Variants in COL7A1 observed in about 807,000 individuals in gnomAD.
COL7A1 encodes the protein collagen type VII alpha 1 chain.
A neutral mutation model predicts 456.2 loss-of-function variants in COL7A1; 296 were observed. The ratio of observed to expected loss-of-function variants is 0.65; its 90% CI spans 0.59 to 0.71. COL7A1 has a LOEUF of 0.71. Ranked by LOEUF, COL7A1 falls within the 30% of genes least tolerant of loss-of-function variation. The probability of loss-of-function intolerance (pLI) is 0.00; values close to 1 mark genes in which losing one functional copy is unlikely to be tolerated. For synonymous variants in COL7A1, 1,464 were observed against 1,525.9 expected (o/e 0.96, Z 0.95); for missense variants, 3,441 against 4,017.2 (o/e 0.86, Z 3.88).
At position 48,569,780 on chromosome 3, in the gene COL7A1, G is replaced by A; in HGVS notation, c.7522-20C>T. ...ATCACCCTATTGGGCAAAAGAGTGT[G>A]AGTCCCGCCCAAACTGGGGAGGCCC... On this transcript the variant is annotated intron_variant, in intron 100 of 118. Transcript: ENST00000681320. The surrounding 1 kb of genome is among the most constrained non-coding windows in gnomAD (Gnocchi z 4.9). 6.2e-7 allele frequency: 1 copy of A among 1,614,144 alleles called. No homozygotes were observed. The highest frequency in any genetic ancestry group is 1.1e-5 in the South Asian group (1 of 91,082).
Position 48,593,266 on chromosome 3 carries a change from G to A in COL7A1, c.521-3C>T, listed in dbSNP as rs1159722746. On this transcript the variant is annotated splice_polypyrimidine_tract_variant and splice_region_variant and intron_variant, in intron 5 of 118. Coordinates refer to ENST00000681320, the MANE Select transcript of COL7A1 (RefSeq NM_000094.4). This position sits in a 1 kb window ranked among gnomAD's most constrained non-coding sequence, Gnocchi z 4.4. ...CTCAGGGTCAGCATTCTTGATCCCT[G>A]AAGTGACGACCCATCAGGACTCAGT... 1.2e-6 allele frequency: 2 copies of A among 1,614,122 alleles called. No homozygotes were observed. The highest frequency in any genetic ancestry group is 1.7e-6 in the Non-Finnish European group (2 of 1,180,010).
Position 48,581,092 on chromosome 3 carries a change from A to G in COL7A1, c.4935+30T>C. ...TGGGATCCTAGTTCAAGGGTAAAGG[A>G]TCAGAAACCACAGTGGGAAGGAGTC... On this transcript the variant is annotated intron_variant, in intron 53 of 118. Coordinates refer to ENST00000681320, the MANE Select transcript of COL7A1 (RefSeq NM_000094.4). The surrounding 1 kb of genome is among the most constrained non-coding windows in gnomAD (Gnocchi z 5.8). 6.2e-7 allele frequency: 1 copy of G among 1,613,704 alleles called. No homozygotes were observed. The highest frequency in any genetic ancestry group is 8.5e-7 in the Non-Finnish European group (1 of 1,179,842).
chr3:48,567,035 T>C lies in COL7A1; in HGVS notation c.8110-12A>G, dbSNP rs779889882. 67 of 1,613,388 alleles carry C rather than the reference T, an allele frequency of 4.2e-5. No individual in the cohort carries two copies. In the South Asian group the frequency reaches 5.8e-4, roughly 14 times the overall value. ...ATTCCTGGGGTTCCCTGGGGAGATA[T>C]AGGACAGAGTCAGTAATCAGAGGCC... On this transcript the variant is annotated splice_polypyrimidine_tract_variant and intron_variant, in intron 110 of 118. Transcript: ENST00000681320. The surrounding 1 kb of genome is among the most constrained non-coding windows in gnomAD (Gnocchi z 4.3).
chr3:48,588,574 G>C lies in COL7A1; in HGVS notation c.2587+68C>G. The C allele has an allele frequency of 6.2e-7, 1 of 1,612,088 alleles. No homozygotes were observed. Reference sequence around the variant, plus strand: ...ATCCTGGTCCTTTCTCCAATCCAGAGCACAAGCCCGGATCCCCAAACCATC... The same window carrying C: ...ATCCTGGTCCTTTCTCCAATCCAGACCACAAGCCCGGATCCCCAAACCATC... On this transcript the variant is annotated intron_variant, in intron 20 of 118. Coordinates refer to ENST00000681320, the MANE Select transcript of COL7A1 (RefSeq NM_000094.4). The surrounding 1 kb of genome is among the most constrained non-coding windows in gnomAD (Gnocchi z 4.6).
Position 48,574,394 on chromosome 3 carries a change from AG to A in COL7A1, c.6457-89del. On this transcript the variant is annotated intron_variant, in intron 79 of 118. Transcript: ENST00000681320. This position sits in a 1 kb window ranked among gnomAD's most constrained non-coding sequence, Gnocchi z 5.0. ...CCCTAGACAGAGTCAGGACCCAGAC[AG>A]TCCCAGGCAGTACAGACCCCAGCCC... 3.7e-6 allele frequency: 6 copies of A among 1,612,730 alleles called. No individual in the cohort carries two copies. Among genetic ancestry groups the A allele is most frequent in the Non-Finnish European group, 5.1e-6 (6 of 1,178,820 alleles).
At position 48,579,013 on chromosome 3, in the gene COL7A1, G is replaced by T; in HGVS notation, c.5389-59C>A. 1 of 1,607,102 alleles carries T rather than the reference G, an allele frequency of 6.2e-7. No homozygotes were observed. Among genetic ancestry groups the T allele is most frequent in the Non-Finnish European group, 8.5e-7 (1 of 1,174,054 alleles). ...CATGGGGTCAGGGGCTCTAGTCCCTGTGAGCCTAAGGCCTGCATGGCAAGA... is the reference window on the plus strand; with the variant it reads ...CATGGGGTCAGGGGCTCTAGTCCCTTTGAGCCTAAGGCCTGCATGGCAAGA... On this transcript the variant is annotated intron_variant, in intron 62 of 118. Transcript: ENST00000681320. The surrounding 1 kb of genome is among the most constrained non-coding windows in gnomAD (Gnocchi z 4.4).
rs1464152121 is a variant in COL7A1 at position 48,593,133 on chromosome 3, C to T, written c.651G>A (p.Thr217=). Residue 217 remains threonine (T), a synonymous_variant, in exon 6 of 119, where the codon ACG becomes ACA. Transcript: ENST00000681320. This position sits in a 1 kb window ranked among gnomAD's most constrained non-coding sequence, Gnocchi z 4.4. ...LLPLVSRRVC[T]TAGGVPVTRP... ...GGGTCACAGGCACGCCACCAGCAGT[C>T]GTGCACACTCTCCGGGAAACGAGGG... 23 of 1,613,952 alleles carry T rather than the reference C, an allele frequency of 1.4e-5. No homozygotes were observed. The highest frequency in any genetic ancestry group is 4.4e-5 in the South Asian group (4 of 91,064).
At position 48,572,945 on chromosome 3, in the gene COL7A1, G is replaced by C. The variant is rs764237628; in HGVS notation, c.6751-3C>G. 2.5e-6 allele frequency: 4 copies of C among 1,613,970 alleles called. No homozygotes were observed. The highest frequency in any genetic ancestry group is 3.4e-6 in the Non-Finnish European group (4 of 1,179,998). On this transcript the variant is annotated splice_region_variant and splice_polypyrimidine_tract_variant and intron_variant, in intron 86 of 118. Transcript: ENST00000681320. This position sits in a 1 kb window ranked among gnomAD's most constrained non-coding sequence, Gnocchi z 4.6. Reference sequence around the variant, plus strand: ...GCTCCCGGCTTCCCTGTCTCCCCCTGAGAGGGAAGAGCTCTGTCAGGGCTG... The same window carrying C: ...GCTCCCGGCTTCCCTGTCTCCCCCTCAGAGGGAAGAGCTCTGTCAGGGCTG...
Position 48,565,249 on chromosome 3 carries a change from G to T in COL7A1, c.8528-48C>A. ...TGGGAGCAGTGGCTGCTGGCCCCGG[G>T]GCAAGGTGGGCAGCACTGATTTCCA... On this transcript the variant is annotated intron_variant, in intron 116 of 118. Coordinates refer to ENST00000681320, the MANE Select transcript of COL7A1 (RefSeq NM_000094.4). This position sits in a 1 kb window ranked among gnomAD's most constrained non-coding sequence, Gnocchi z 4.5. 1 of 1,559,354 alleles carries T rather than the reference G, an allele frequency of 6.4e-7. No homozygotes were observed. The highest frequency in any genetic ancestry group is 8.8e-7 in the Non-Finnish European group (1 of 1,137,212).
chr3:48,593,342 T>C lies in COL7A1; in HGVS notation c.520+14A>G. On this transcript the variant is annotated intron_variant, in intron 5 of 118. Coordinates refer to ENST00000681320, the MANE Select transcript of COL7A1 (RefSeq NM_000094.4). The surrounding 1 kb of genome is among the most constrained non-coding windows in gnomAD (Gnocchi z 4.4). ...CACCCCCCAGCTGACCTGTCACTCC[T>C]GCTCGGTCCTTACCCACAGCAAATA... 6.2e-7 allele frequency: 1 copy of C among 1,614,106 alleles called. No homozygotes were observed. The highest frequency in any genetic ancestry group is 1.1e-5 in the South Asian group (1 of 91,076).
intron 65 of COL7A1, among the ~76,000 whole-genome samples, chr3:48,577,659 G>T (rs1259929715): frequency 6.6e-6 from 1 of 152,238 alleles, no homozygotes; most frequent in Non-Finnish European, 1.5e-5. Context: ...CTTAGCACAT[G>T]AGTCTGGGTG....
chr3:48,588,727 G>C lies in COL7A1; in HGVS notation c.2502C>G (p.Leu834=), dbSNP rs1435865470. Reference sequence around the variant, plus strand: ...GCACTGAGTAGCTGACTCCACCTTCGAGACCCCGGATCTCTGCAGAGTCTG... The same window carrying C: ...GCACTGAGTAGCTGACTCCACCTTCCAGACCCCGGATCTCTGCAGAGTCTG... ...GNTDSAEIRG[L]EGGVSYSVRV... The change falls in exon 20 of 119, where the codon CTC becomes CTG. Residue 834 remains leucine (L), a synonymous_variant. Coordinates refer to ENST00000681320, the MANE Select transcript of COL7A1 (RefSeq NM_000094.4). This position sits in a 1 kb window ranked among gnomAD's most constrained non-coding sequence, Gnocchi z 4.6. 3 of 1,613,880 alleles carry C rather than the reference G, an allele frequency of 1.9e-6. No homozygotes were observed. The highest frequency in any genetic ancestry group is 1.6e-4 in the Middle Eastern group (1 of 6,062).
chr3:48,589,242 G>C (rs891875948), intron 18 of COL7A1, 85 bp downstream of exon 18: 1 of 1,591,038 alleles, frequency 6.3e-7, no homozygotes, highest in East Asian at 2.2e-5. Flanking sequence ...GAGCAGGGGG[G>C]TGGAGGCAGC....
Position 48,575,704 on chromosome 3 carries a change from A to G in COL7A1, c.5901T>C (p.Ser1967=). 6.2e-7 allele frequency: 1 copy of G among 1,613,756 alleles called. No individual in the cohort carries two copies. The highest frequency in any genetic ancestry group is 8.5e-7 in the Non-Finnish European group (1 of 1,180,010). ...REIVETWDES[S]GSFLPVPERR... ...GTTCGGGCACAGGCAGGAAGCTACC[A>G]GAGCTCTCATCCCAGGTCTCCACGA... The change falls in exon 73 of 119, where the codon TCT becomes TCC. Residue 1967 remains serine (S), a synonymous_variant. Coordinates refer to ENST00000681320, the MANE Select transcript of COL7A1 (RefSeq NM_000094.4). This position sits in a 1 kb window ranked among gnomAD's most constrained non-coding sequence, Gnocchi z 6.3.
chr3:48,590,549 C>G lies in COL7A1; in HGVS notation c.1816G>C (p.Val606Leu). ...ETPLAVPGLR[V>L]VVSDATRVRV... ...ACTCGCGTTGCATCTGACACCACAA[C>G]CCGCAGCCCTGGAACAGCAAGTGGA... Residue 606 changes from valine (V) to leucine (L), a missense_variant, in exon 15 of 119, where the codon GTT becomes CTT. Physicochemically the swap from Val to Leu is conservative, Grantham distance 32. Coordinates refer to ENST00000681320, the MANE Select transcript of COL7A1 (RefSeq NM_000094.4). This position sits in a 1 kb window ranked among gnomAD's most constrained non-coding sequence, Gnocchi z 4.6. 6.2e-7 allele frequency: 1 copy of G among 1,614,178 alleles called. No individual in the cohort carries two copies. Among genetic ancestry groups the G allele is most frequent in the Non-Finnish European group, 8.5e-7 (1 of 1,180,040 alleles).
rs575637874 is a variant in COL7A1, at chr3:48,571,546, C to A, written c.7069-268G>T. The A allele has an allele frequency of 1.4e-6, 1 of 693,948 alleles. No homozygotes were observed. The highest frequency in any genetic ancestry group is 1.5e-5 in the South Asian group (1 of 66,558). 43.0% of individuals were successfully genotyped at this position (693,948 alleles called of 1,614,324 possible). On this transcript the variant is annotated intron_variant, in intron 92 of 118. Transcript: ENST00000681320. This position sits in a 1 kb window ranked among gnomAD's most constrained non-coding sequence, Gnocchi z 4.6. ...CAGGGAGCCCACACGCGAGTGCAGA[C>A]ATCTGGCTCCACAGACGTGAGTGCG... is the stretch of plus-strand genomic sequence containing the variant.
rs1257522016 is a variant in COL7A1 at position 48,573,830 on chromosome 3, C to T, written c.6537+25G>A. 6.2e-7 allele frequency: 1 copy of T among 1,614,046 alleles called. No homozygotes were observed. The highest frequency in any genetic ancestry group is 1.1e-5 in the South Asian group (1 of 91,084). ...GGCAGGGCACAGGATGGGGGCAAGA[C>T]AGGTGAAGGTTCTTGGGTACTCACC... On this transcript the variant is annotated intron_variant, in intron 81 of 118. Coordinates refer to ENST00000681320, the MANE Select transcript of COL7A1 (RefSeq NM_000094.4). This position sits in a 1 kb window ranked among gnomAD's most constrained non-coding sequence, Gnocchi z 5.5.
At position 48,590,622 on chromosome 3, in the gene COL7A1, G is replaced by A; in HGVS notation, c.1781-38C>T. 1 of 1,614,048 alleles carries A rather than the reference G, an allele frequency of 6.2e-7. No homozygotes were observed. The highest frequency in any genetic ancestry group is 8.5e-7 in the Non-Finnish European group (1 of 1,180,026). The stretch of plus-strand genomic sequence containing the variant: ...GACAGAAGTCAGAAGTCAGAACCAG[G>A]ACCAGAGTGAGGCAGGCAGCTGTCC... On this transcript the variant is annotated intron_variant, in intron 14 of 118. Coordinates refer to ENST00000681320, the MANE Select transcript of COL7A1 (RefSeq NM_000094.4). The surrounding 1 kb of genome is among the most constrained non-coding windows in gnomAD (Gnocchi z 4.6).
Position 48,586,929 on chromosome 3 carries a change from G to A in COL7A1, c.3276+43C>T. 1 of 1,563,226 alleles carries A rather than the reference G, an allele frequency of 6.4e-7. No homozygotes were observed. The highest frequency in any genetic ancestry group is 8.7e-7 in the Non-Finnish European group (1 of 1,153,664). On this transcript the variant is annotated intron_variant, in intron 25 of 118. Transcript: ENST00000681320. The surrounding 1 kb of genome is among the most constrained non-coding windows in gnomAD (Gnocchi z 5.1). ...GTAACTGGTATGGAGCCTGGGTGGGGGGCCTCAGGGAGAGGTAGAATCTGG... is the reference window on the plus strand; with the variant it reads ...GTAACTGGTATGGAGCCTGGGTGGGAGGCCTCAGGGAGAGGTAGAATCTGG...
Sources: allele counts gnomAD v4.1 joint callset (sites outside exome capture counted in the v4.1 genomes callset), GRCh38; gene constraint gnomAD v4.1.1; non-coding constraint Gnocchi (gnomAD v3.1); transcripts MANE v1.5; gene names NCBI Gene and HGNC (gene_info 2026-07-23, HGNC 2026-07-21).